Variants in LPGAT1 observed in about 807,000 individuals in gnomAD.
LPGAT1 encodes acyl-CoA:lysophosphatidylglycerol acyltransferase 1.
A neutral mutation model predicts 47.5 loss-of-function variants in LPGAT1; 11 were observed. The ratio of observed to expected loss-of-function variants is 0.23; its 90% CI spans 0.15 to 0.38. The LOEUF is 0.38. Among genes scored for constraint, LPGAT1 ranks in the 10% least tolerant of loss-of-function variants. LPGAT1 has a pLI of 1.00. For synonymous variants in LPGAT1, 138 were observed against 144.2 expected, an observed-to-expected ratio of 0.96 and a Z score of 0.31; for missense variants, 293 against 439.0, an observed-to-expected ratio of 0.67 and a Z score of 2.97.
intron 5 of LPGAT1, among the ~76,000 whole-genome samples, chr1:211,780,336 G>T (rs1179571761): frequency 3.3e-5 from 5 of 152,208 alleles, no homozygotes; most frequent in African/African-American, 1.2e-4. Context: ...GGTAAGTTCT[G>T]CTAAGTTTGA....
chr1:211,751,951 A>G (rs2102486269), intron 6 of LPGAT1, among the ~76,000 whole-genome samples: 1 of 152,212 alleles, frequency 6.6e-6, no homozygotes, highest in South Asian at 2.1e-4. Context: ...TTCTCTACTG[A>G]CTTCCCAGTA....
chr1:211,774,493 C>G (rs1055751086), intron 6 of LPGAT1, among the ~76,000 whole-genome samples: 5 of 152,170 alleles, frequency 3.3e-5, no homozygotes, highest in African/African-American at 1.2e-4. Context: ...TTCTGGCCAC[C>G]AGAGTCCCAG....
At chr1:211,766,426 G>A (rs1657917374) in intron 6 of LPGAT1, among the ~76,000 whole-genome samples, 1 of 152,188 alleles carries the variant, frequency 6.6e-6, no homozygotes, top group Non-Finnish European at 1.5e-5. Flanking sequence ...AGTCGAAAAT[G>A]CATTTAATAC....
In LPGAT1 at chr1:211,815,008, C is replaced by G. The variant is rs970815592; in HGVS notation, c.238+14051G>C. On this transcript the variant is annotated intron_variant, in intron 2 of 7. Transcript: ENST00000366997. ...CTTAAGGCTGGCATTCCTTCCACTT[C>G]TTCTCTTCCCATCTTCCTCTCTTAA... 3.3e-5 allele frequency among the ~76,000 whole-genome samples: 5 copies of G among 152,336 alleles called. No homozygotes were observed. In the East Asian group the frequency reaches 9.6e-4, roughly 29 times the overall value.
intron 6 of LPGAT1, among the ~76,000 whole-genome samples, chr1:211,771,635 C>G (rs868141766): frequency 1.3e-5 from 2 of 152,014 alleles, no homozygotes; most frequent in South Asian, 4.2e-4. Flanking sequence ...TCCCGAGTAG[C>G]TGGGATTACA....
At position 211,763,111 on chromosome 1, in the gene LPGAT1, T is replaced by C. The variant is rs372937973; in HGVS notation, c.855-12044A>G. On this transcript the variant is annotated intron_variant, in intron 6 of 7. Coordinates refer to ENST00000366997, the MANE Select transcript of LPGAT1 (RefSeq NM_014873.3). The stretch of plus-strand genomic sequence containing the variant: ...GTGTATCTACTTATGGCATGGGACA[T>C]ATAAAAGAGATATCACTTGAATTTG... 3.0e-4 allele frequency among the ~76,000 whole-genome samples: 45 copies of C among 152,182 alleles called. 3 individuals are homozygous for C. Among genetic ancestry groups the C allele is most frequent in the East Asian group, 1.9e-3 (10 of 5,198 alleles).
At chr1:211,828,181 C>G (rs188576365) in intron 2 of LPGAT1, among the ~76,000 whole-genome samples, 1 of 152,294 alleles carries the variant, frequency 6.6e-6, no homozygotes, top group African/African-American at 2.4e-5. Context: ...AAGGAGCCTG[C>G]CTATCAGGTA....
chr1:211,817,095 C>T (rs1003343282), intron 2 of LPGAT1, among the ~76,000 whole-genome samples: 21 of 152,186 alleles, frequency 1.4e-4, no homozygotes, highest in Non-Finnish European at 2.8e-4. Flanking sequence ...AGTTCCTTAT[C>T]CATGTAACCT....
intron 6 of LPGAT1, among the ~76,000 whole-genome samples, chr1:211,769,563 T>A (rs1259453395): frequency 2.0e-5 from 3 of 152,130 alleles, no homozygotes; most frequent in Non-Finnish European, 2.9e-5. Context: ...AGTAGAGGAA[T>A]AAAAGAATGG....
Position 211,774,132 on chromosome 1 carries a change from C to CTTTTTTTTTTTTTTTT in LPGAT1, c.854+4770_854+4785dup. The stretch of plus-strand genomic sequence containing the variant: ...AAAGTGCTTTGTGTTTTTTAAAAGT[C>CTTTTTTTTTTTTTTTT]TTTTTTTTTTTTTTTTTTTTGAGAC... On this transcript the variant is annotated intron_variant, in intron 6 of 7. Transcript: ENST00000366997. Among the ~76,000 whole-genome samples the CTTTTTTTTTTTTTTTT allele has an allele frequency of 1.5e-3, 102 of 66,824 alleles. 25 individuals carry two copies. The highest frequency in any genetic ancestry group is 0.011 in the East Asian group (17 of 1,610). The allele number at this position is 66,824 out of a possible 152,430, so 43.8% of individuals were successfully genotyped here. A position where few individuals can be genotyped will look rare whatever the true frequency, so the allele number is the denominator to read the frequency against.
chr1:211,816,878 C>T (rs568704145), intron 2 of LPGAT1, among the ~76,000 whole-genome samples: 1 of 152,174 alleles, frequency 6.6e-6, no homozygotes, highest in Non-Finnish European at 1.5e-5. Context: ...TTTTCCCCAA[C>T]ACATCATGCT....
chr1:211,794,149 A>C (rs185694328), intron 2 of LPGAT1, among the ~76,000 whole-genome samples: 1 of 152,240 alleles, frequency 6.6e-6, no homozygotes, highest in Non-Finnish European at 1.5e-5. Context: ...AGACATAATA[A>C]TGCATACTTT....
intron 2 of LPGAT1, among the ~76,000 whole-genome samples, chr1:211,812,024 T>G (rs1178145063): frequency 3.3e-5 from 5 of 152,232 alleles, no homozygotes; most frequent in African/African-American, 7.2e-5. Context: ...GATCTTCATT[T>G]GCTCACTGAT....
chr1:211,817,314 G>A (rs1660207897), intron 2 of LPGAT1, among the ~76,000 whole-genome samples: 1 of 152,216 alleles, frequency 6.6e-6, no homozygotes, highest in Non-Finnish European at 1.5e-5. Flanking sequence ...GCTCACACCT[G>A]TAATCCCAGC....
At chr1:211,754,278 C>T (rs1050352717) in intron 6 of LPGAT1, among the ~76,000 whole-genome samples, 1 of 152,216 alleles carries the variant, frequency 6.6e-6, no homozygotes, top group African/African-American at 2.4e-5. Flanking sequence ...TTTAGTAATG[C>T]TTTCAACCTC....
intron 1 of LPGAT1, chr1:211,829,820 AAG>A: frequency 1.0e-6 from 1 of 986,178 alleles, no homozygotes; most frequent in Non-Finnish European, 1.2e-6. Flanking sequence ...GGCTCTAGCG[AAG>A]AGTTACCCTC....
Position 211,749,162 on chromosome 1 carries a change from T to A in LPGAT1, c.*737A>T, listed in dbSNP as rs1337612161. 1.3e-5 allele frequency: 2 copies of A among 152,670 alleles called. No individual in the cohort carries two copies. Among genetic ancestry groups the A allele is most frequent in the African/African-American group, 4.8e-5 (2 of 41,458 alleles). 9.5% of individuals were successfully genotyped at this position (152,670 alleles called of 1,614,324 possible). A position where few individuals can be genotyped will look rare whatever the true frequency, so the allele number is the denominator to read the frequency against. On this transcript the variant is annotated 3_prime_UTR_variant, in exon 8 of 8. Coordinates refer to ENST00000366997, the MANE Select transcript of LPGAT1 (RefSeq NM_014873.3). ...TTACTAATCCTTTGCTATATCTGCA[T>A]CTCAAAAAAGTGCATTTTGCAAAAT...
intron 6 of LPGAT1, among the ~76,000 whole-genome samples, chr1:211,765,141 T>C (rs1200772579): frequency 6.6e-6 from 1 of 152,238 alleles, no homozygotes; most frequent in Admixed American, 6.5e-5. Flanking sequence ...GAATCACTAT[T>C]ACACTTTCCA....
chr1:211,786,220 T>C lies in LPGAT1; in HGVS notation c.453+1412A>G, dbSNP rs1658873221. On this transcript the variant is annotated intron_variant, in intron 4 of 7. Coordinates refer to ENST00000366997, the MANE Select transcript of LPGAT1 (RefSeq NM_014873.3). Reference sequence around the variant, plus strand: ...AACAAAGGATGTTTCCAAAATGAAATGATATAATGTCCAGTACATAAAACT... The same window carrying C: ...AACAAAGGATGTTTCCAAAATGAAACGATATAATGTCCAGTACATAAAACT... Among the ~76,000 whole-genome samples the C allele has an allele frequency of 2.0e-5, 3 of 152,332 alleles. 1 individual carries two copies. Among genetic ancestry groups the C allele is most frequent in the Non-Finnish European group, 4.4e-5 (3 of 68,026 alleles).
Sources: allele counts gnomAD v4.1 joint callset (sites outside exome capture counted in the v4.1 genomes callset), GRCh38; gene constraint gnomAD v4.1.1; transcripts MANE v1.5; gene names NCBI Gene and HGNC (gene_info 2026-07-23, HGNC 2026-07-21).